APOBEC3D: variants seen among roughly 807,000 people sequenced by gnomAD.
APOBEC3D encodes DNA dC->dU-editing enzyme APOBEC-3D.
A neutral mutation model predicts 45.6 loss-of-function variants in APOBEC3D; 37 were observed. The ratio of observed to expected loss-of-function variants is 0.81; its 90% CI spans 0.62 to 1.07. APOBEC3D has a LOEUF of 1.07. Ranked by LOEUF, APOBEC3D falls within the 50% of genes least tolerant of loss-of-function variation. The probability of loss-of-function intolerance (pLI) is 0.00; values close to 1 mark genes in which losing one functional copy is unlikely to be tolerated. For missense variants in APOBEC3D, 496 were observed against 495.3 expected, an observed-to-expected ratio of 1.00 and a Z score of -0.01; for synonymous variants, 175 against 180.7, an observed-to-expected ratio of 0.97 and a Z score of 0.25.
chr22:39,028,792 G>A (rs532393125), intron 4 of APOBEC3D, among the ~76,000 whole-genome samples: 5 of 152,122 alleles, frequency 3.3e-5, no homozygotes, highest in African/African-American at 1.2e-4. Flanking sequence ...AAAATTAGAC[G>A]GGCGTGGTGG....
At chr22:39,028,191 G>A (rs1925867687) in intron 4 of APOBEC3D, among the ~76,000 whole-genome samples, 1 of 152,326 alleles carries the variant, frequency 6.6e-6, no homozygotes, top group East Asian at 1.9e-4. Context: ...CCTCCTCCGT[G>A]AGCACCATTC....
Position 39,033,244 on chromosome 22 carries a change from T to G in APOBEC3D, c.*928T>G, listed in dbSNP as rs1206350653. 1 of 977,466 alleles carries G rather than the reference T, an allele frequency of 1.0e-6. No homozygotes were observed. Among genetic ancestry groups the G allele is most frequent in the East Asian group, 1.1e-4 (1 of 8,790 alleles). The allele number at this position is 977,466 out of a possible 1,614,324, so 60.5% of individuals were successfully genotyped here. A position where few individuals can be genotyped will look rare whatever the true frequency, so the allele number is the denominator to read the frequency against. On this transcript the variant is annotated 3_prime_UTR_variant, in exon 7 of 7. Transcript: ENST00000216099. ...AATAAATCAATAAATACACTCAACC[T>G]AAATGGATATGAATATATGTAAGTT... is the stretch of plus-strand genomic sequence containing the variant.
rs1380981181 is a variant in APOBEC3D at position 39,032,332 on chromosome 22, C to T, written c.*16C>T. On this transcript the variant is annotated 3_prime_UTR_variant, in exon 7 of 7. Transcript: ENST00000216099. The stretch of plus-strand genomic sequence containing the variant: ...TCTCCAGTGAGGGGTCTCCCTGGGC[C>T]TCATGGTCTGTCTCTTCTAGCCTCC... 2 of 1,613,180 alleles carry T rather than the reference C, an allele frequency of 1.2e-6. No homozygotes were observed. The highest frequency in any genetic ancestry group is 2.2e-5 in the South Asian group (2 of 91,016).
At position 39,022,828 on chromosome 22, in the gene APOBEC3D, G is replaced by C; in HGVS notation, c.24G>C (p.Pro8=). MNPQIRN[P]MERMYRDTFY... ...TTCTCTCTTGTGCCTTCAGAAATCC[G>C]ATGGAGCGGATGTATCGAGACACAT... The change falls in exon 2 of 7, where the codon CCG becomes CCC. Residue 8 remains proline, a synonymous_variant. Coordinates refer to ENST00000216099, the MANE Select transcript of APOBEC3D (RefSeq NM_152426.4). The C allele has an allele frequency of 6.2e-7, 1 of 1,603,212 alleles. No homozygotes were observed. Among genetic ancestry groups the C allele is most frequent in the Admixed American group, 1.7e-5 (1 of 58,738 alleles).
chr22:39,021,455 G>A lies in APOBEC3D; in HGVS notation c.-65G>A. The A allele has an allele frequency of 1.2e-6, 2 of 1,612,462 alleles. No homozygotes were observed. Among genetic ancestry groups the A allele is most frequent in the Non-Finnish European group, 8.5e-7 (1 of 1,178,700 alleles). On this transcript the variant is annotated 5_prime_UTR_variant, in exon 1 of 7. Coordinates refer to ENST00000216099, the MANE Select transcript of APOBEC3D (RefSeq NM_152426.4). ...TCCAACTGCAAGGAGCCGCAAGCAG[G>A]AAGTGAAACCACAGCACTTCAAAAA...
In APOBEC3D at chr22:39,022,768, C is replaced by T. The variant is rs531327731; in HGVS notation, c.18-54C>T. The T allele has an allele frequency of 1.9e-3, 3,068 of 1,573,826 alleles. 6 individuals carry two copies. The highest frequency in any genetic ancestry group is 2.4e-3 in the Non-Finnish European group (2,817 of 1,161,332). ...AGCTGTGTTCAGTGGACATGAGCCC[C>T]GAGGACTCCAGGAGGGCTCCCTGCA... On this transcript the variant is annotated intron_variant, in intron 1 of 6. Coordinates refer to ENST00000216099, the MANE Select transcript of APOBEC3D (RefSeq NM_152426.4).
chr22:39,022,651 C>G (rs572500098), intron 1 of APOBEC3D, among the ~76,000 whole-genome samples, 171 bp from the exon 2 acceptor site: 4 of 152,278 alleles, frequency 2.6e-5, no homozygotes, highest in African/African-American at 9.6e-5. Context: ...AGCATCCCCT[C>G]CTCTTCCTCT....
At chr22:39,024,014 C>T (rs916858517) in intron 2 of APOBEC3D, among the ~76,000 whole-genome samples, 2 of 152,112 alleles carry the variant, frequency 1.3e-5, no homozygotes, top group Admixed American at 1.3e-4. Context: ...TACAGCGGTG[C>T]TGGCCACGGA....
At chr22:39,031,059 C>T (rs376987871) in intron 5 of APOBEC3D, among the ~76,000 whole-genome samples, 2 of 151,900 alleles carry the variant, frequency 1.3e-5, no homozygotes, top group Non-Finnish European at 2.9e-5. Context: ...CTAGCTACTC[C>T]GGAGGCTGAG....
intron 4 of APOBEC3D, among the ~76,000 whole-genome samples, chr22:39,025,917 T>C (rs1346908659): frequency 6.6e-6 from 1 of 152,120 alleles, no homozygotes; most frequent in Admixed American, 6.5e-5. Context: ...CCCCCGAGGC[T>C]GCCCTCCCCA....
intron 4 of APOBEC3D, among the ~76,000 whole-genome samples, chr22:39,027,928 C>G (rs1925841609): frequency 6.6e-6 from 1 of 152,240 alleles, no homozygotes; most frequent in Non-Finnish European, 1.5e-5. Context: ...TGGGAGGGTG[C>G]TCCCTCTGTG....
At position 39,025,507 on chromosome 22, in the gene APOBEC3D, A is replaced by G. The variant is rs115210060; in HGVS notation, c.491-50A>G. 3.8e-4 allele frequency: 619 copies of G among 1,614,024 alleles called. 1 individual carries two copies. The African/African-American group carries it at 6.6e-3, about 17-fold the overall frequency. On this transcript the variant is annotated intron_variant, in intron 3 of 6. Coordinates refer to ENST00000216099, the MANE Select transcript of APOBEC3D (RefSeq NM_152426.4). Reference sequence around the variant, plus strand: ...GCCAGGAGACCAGGCCTGGGAGGGCAGGCCCAGGGTCAGGGGAGAGCCTGA... The same window carrying G: ...GCCAGGAGACCAGGCCTGGGAGGGCGGGCCCAGGGTCAGGGGAGAGCCTGA...
intron 4 of APOBEC3D, among the ~76,000 whole-genome samples, chr22:39,027,834 G>A (rs1169306688): frequency 6.6e-6 from 1 of 152,012 alleles, no homozygotes; most frequent in Admixed American, 6.6e-5. Flanking sequence ...CTTCTGAATG[G>A]GCCATCTCCC....
rs537641877 is a variant in APOBEC3D at position 39,030,885 on chromosome 22, C to T, written c.763-809C>T. Among the ~76,000 whole-genome samples the T allele has an allele frequency of 6.6e-5, 10 of 152,282 alleles. No individual in the cohort carries two copies. In the South Asian group the frequency reaches 1.0e-3, roughly 16 times the overall value. On this transcript the variant is annotated intron_variant, in intron 5 of 6. Transcript: ENST00000216099. ...GGAAGGGGCCAAGCGCGGTGGCTCA[C>T]GCCTGTACGCAGTAGCTCACGCCTG...
intron 4 of APOBEC3D, among the ~76,000 whole-genome samples, chr22:39,026,290 C>T (rs552032052): frequency 6.6e-6 from 1 of 152,328 alleles, no homozygotes; most frequent in South Asian, 2.1e-4. Flanking sequence ...GGCCTTTCCT[C>T]TGTGCACCTG....
Position 39,029,466 on chromosome 22 carries a change from GT to G in APOBEC3D, c.711del (p.Thr238GlnfsTer73). On this transcript the variant is annotated frameshift_variant, in exon 5 of 7. Transcript: ENST00000216099. LOFTEE classifies it high-confidence loss of function. ...NESWLCFTME[V>X]TKHHSAVFRK... ...AAGCTGGCTGTGCTTCACCATGGAAGTTACAAAGCACCACTCAGCTGTCTTC... is the reference window on the plus strand; with the variant it reads ...AAGCTGGCTGTGCTTCACCATGGAAGTACAAAGCACCACTCAGCTGTCTTC... 6.2e-7 allele frequency: 1 copy of G among 1,614,176 alleles called. No individual in the cohort carries two copies. The highest frequency in any genetic ancestry group is 8.5e-7 in the Non-Finnish European group (1 of 1,180,030).
chr22:39,031,366 G>A (rs1020641930), intron 5 of APOBEC3D, among the ~76,000 whole-genome samples: 3 of 152,130 alleles, frequency 2.0e-5, no homozygotes, highest in Admixed American at 6.6e-5. Context: ...CCAAGATTTC[G>A]AGATCAGCCT....
intron 1 of APOBEC3D, 75 bp downstream of exon 1, chr22:39,021,611 G>A: frequency 1.2e-6 from 2 of 1,600,122 alleles, no homozygotes; most frequent in Admixed American, 1.7e-5. Flanking sequence ...CTCAGCCCTG[G>A]CCTCCCCCTG....
Position 39,022,912 on chromosome 22 carries a change from C to T in APOBEC3D, c.108C>T (p.Cys36=), listed in dbSNP as rs766734309. 1.2e-6 allele frequency: 2 copies of T among 1,613,592 alleles called. No individual in the cohort carries two copies. The highest frequency in any genetic ancestry group is 1.3e-5 in the African/African-American group (1 of 74,844). ...ILYGRSYTWL[C]YEVKIKRGRS... is the part of the protein sequence containing the mutation. ...ATGGTCGGAGCTACACTTGGCTGTG[C>T]TATGAAGTGAAAATAAAGAGGGGCC... The change falls in exon 2 of 7, where the codon TGC becomes TGT. Residue 36 remains cysteine, a synonymous_variant. Transcript: ENST00000216099.
Sources: allele counts gnomAD v4.1 joint callset (sites outside exome capture counted in the v4.1 genomes callset), GRCh38; gene constraint gnomAD v4.1.1; transcripts MANE v1.5; gene names NCBI Gene and HGNC (gene_info 2026-07-23, HGNC 2026-07-21).